Variants in NEMP2 observed in about 807,000 individuals in gnomAD.
NEMP2 encodes nuclear envelope integral membrane protein 2.
NEMP2 carries 53 observed loss-of-function variants against 54.2 expected under a neutral mutation model. The ratio of observed to expected loss-of-function variants is 0.98; its 90% CI spans 0.78 to 1.23. The LOEUF (loss-of-function observed/expected upper bound fraction) is 1.23, where lower values mean the gene tolerates loss of function less well. Ranked by LOEUF, NEMP2 falls within the 50% of genes most tolerant of loss-of-function variation. The pLI is 0.00. For missense variants in NEMP2, 455 were observed against 511.3 expected, an observed-to-expected ratio of 0.89 and a Z score of 1.06; for synonymous variants, 197 against 190.3, an observed-to-expected ratio of 1.04 and a Z score of -0.29.
chr2:190,643,651 C>T, the NEMP2 span, among the ~76,000 whole-genome samples: 1 of 152,212 alleles, frequency 6.6e-6, no homozygotes. Context: ...GTACTCGATA[C>T]ATGTTAGTTA....
chr2:190,510,295 A>ACCATCAT lies in NEMP2; in HGVS notation c.1130+59_1130+65dup. On this transcript the variant is annotated intron_variant, in intron 8 of 8. Coordinates refer to ENST00000409150, the MANE Select transcript of NEMP2 (RefSeq NM_001142645.2). The surrounding 1 kb of genome is among the most constrained non-coding windows in gnomAD (Gnocchi z 5.7). ...TTCTACCCTGAAGTGCCTGTACCAA[A>ACCATCAT]CCATCATATTATTTTTTAAATCATT... 6.5e-7 allele frequency: 1 copy of ACCATCAT among 1,528,528 alleles called. No individual in the cohort carries two copies. Among genetic ancestry groups the ACCATCAT allele is most frequent in the South Asian group, 1.2e-5 (1 of 82,530 alleles). The allele number at this position is 1,528,528 out of a possible 1,614,324, so 94.7% of individuals were successfully genotyped here.
chr2:190,633,417 G>GA, the NEMP2 span, among the ~76,000 whole-genome samples: 1 of 150,902 alleles, frequency 6.6e-6, no homozygotes, highest in Non-Finnish European at 1.5e-5. Flanking sequence ...GGGTTCAAGT[G>GA]ATTCTCTCGC....
At chr2:190,446,219 G>A in the NEMP2 span, among the ~76,000 whole-genome samples, 2 of 152,256 alleles carry the variant, frequency 1.3e-5, no homozygotes, top group South Asian at 4.1e-4. Flanking sequence ...CTTTATCTGA[G>A]TTTTAATAAT....
the NEMP2 span, among the ~76,000 whole-genome samples, chr2:190,597,797 A>C: frequency 6.6e-6 from 1 of 152,034 alleles, no homozygotes; most frequent in East Asian, 1.9e-4. This position sits in a 1 kb window ranked among gnomAD's most constrained non-coding sequence, Gnocchi z 4.7. Context: ...TAAAAAAAAA[A>C]CAACTCTGAG....
the NEMP2 span, among the ~76,000 whole-genome samples, chr2:190,554,225 C>T: frequency 6.6e-6 from 1 of 152,144 alleles, no homozygotes. This position sits in a 1 kb window ranked among gnomAD's most constrained non-coding sequence, Gnocchi z 5.7. Flanking sequence ...CAAAACTGGG[C>T]AGCTGTTTGG....
the NEMP2 span, chr2:190,436,563 C>T: frequency 4.3e-6 from 7 of 1,614,214 alleles, no homozygotes; most frequent in South Asian, 6.6e-5. The surrounding 1 kb of genome is among the most constrained non-coding windows in gnomAD (Gnocchi z 5.3). Context: ...AGTTAACTAT[C>T]CTGCCAACAA....
chr2:190,605,460 C>T, the NEMP2 span, among the ~76,000 whole-genome samples: 3 of 151,994 alleles, frequency 2.0e-5, no homozygotes, highest in Non-Finnish European at 4.4e-5. Flanking sequence ...CTGCAACCTT[C>T]ACCTCCCAGG....
the NEMP2 span, among the ~76,000 whole-genome samples, chr2:190,595,966 A>G: frequency 6.6e-6 from 1 of 152,230 alleles, no homozygotes; most frequent in Non-Finnish European, 1.5e-5. The surrounding 1 kb of genome is among the most constrained non-coding windows in gnomAD (Gnocchi z 4.0). Flanking sequence ...TTACTGCAGC[A>G]CTGTTCACAA....
chr2:190,536,138 T>G (rs1691370202), upstream of NEMP2, among the ~76,000 whole-genome samples: 1 of 152,220 alleles, frequency 6.6e-6, no homozygotes, highest in South Asian at 2.1e-4. Flanking sequence ...AACACCACAT[T>G]TTTCTCTATA....
At chr2:190,449,722 G>A in the NEMP2 span, among the ~76,000 whole-genome samples, 1 of 152,092 alleles carries the variant, frequency 6.6e-6, no homozygotes, top group Non-Finnish European at 1.5e-5. Context: ...TAGGGACATG[G>A]ATGAAATTGG....
At chr2:190,542,170 C>T in the NEMP2 span, among the ~76,000 whole-genome samples, 1 of 152,186 alleles carries the variant, frequency 6.6e-6, no homozygotes, top group Non-Finnish European at 1.5e-5. The surrounding 1 kb of genome is among the most constrained non-coding windows in gnomAD (Gnocchi z 4.6). Context: ...CTTTCTACCT[C>T]TTGCTCTTGC....
the NEMP2 span, among the ~76,000 whole-genome samples, chr2:190,598,958 GT>G: frequency 6.6e-6 from 1 of 152,114 alleles, no homozygotes; most frequent in Non-Finnish European, 1.5e-5. Context: ...TGCAAATGGT[GT>G]TTTGTTTTGT....
the NEMP2 span, among the ~76,000 whole-genome samples, chr2:190,422,788 T>C: frequency 5.7e-3 from 869 of 152,264 alleles, 12 homozygotes; most frequent in African/African-American, 0.02. Flanking sequence ...TTTCTTCCCT[T>C]AATTTTTTTC....
intron 1 of NEMP2, among the ~76,000 whole-genome samples, chr2:190,526,605 G>A (rs925183457): frequency 1.3e-5 from 2 of 152,154 alleles, no homozygotes; most frequent in African/African-American, 4.8e-5. Flanking sequence ...TAAATCAGCA[G>A]GCTTTACAGA....
At chr2:190,604,355 T>C in the NEMP2 span, among the ~76,000 whole-genome samples, 16 of 152,196 alleles carry the variant, frequency 1.1e-4, no homozygotes, top group Admixed American at 1.0e-3. This position sits in a 1 kb window ranked among gnomAD's most constrained non-coding sequence, Gnocchi z 4.5. Context: ...TTAGGGATAG[T>C]AACAGCACCT....
chr2:190,514,574 G>A lies in NEMP2; in HGVS notation c.832C>T (p.Leu278Phe), dbSNP rs1169218511. Reference protein sequence around the residue: ...RSLLMWMLRLLSLVLVYAGVA... With the variant: ...RSLLMWMLRLFSLVLVYAGVA... ...CCAGCATAGACCAGAACCAGGGAGA[G>A]GAGTCGCAGCATCCACATCAGAAGA... is the stretch of plus-strand genomic sequence containing the variant. Residue 278 changes from leucine to phenylalanine, a missense_variant, in exon 7 of 9, where the codon CTC (leucine) becomes TTC (phenylalanine). This residue lies in a region of NEMP2 where 294 missense variants were observed against 333.6 expected (regional missense o/e 0.88). Coordinates refer to ENST00000409150, the MANE Select transcript of NEMP2 (RefSeq NM_001142645.2). This position sits in a 1 kb window ranked among gnomAD's most constrained non-coding sequence, Gnocchi z 5.7. 6.4e-7 allele frequency: 1 copy of A among 1,551,750 alleles called. No homozygotes were observed.
At chr2:190,616,530 T>C in the NEMP2 span, among the ~76,000 whole-genome samples, 1 of 152,198 alleles carries the variant, frequency 6.6e-6, no homozygotes, top group Non-Finnish European at 1.5e-5. The surrounding 1 kb of genome is among the most constrained non-coding windows in gnomAD (Gnocchi z 5.1). Flanking sequence ...AACTCTGACA[T>C]AACAAATAAT....
At chr2:190,624,127 T>TG in the NEMP2 span, among the ~76,000 whole-genome samples, 16 of 151,092 alleles carry the variant, frequency 1.1e-4, no homozygotes, top group Admixed American at 1.3e-4. Flanking sequence ...CAAAAAGGAG[T>TG]TGGGGGGCAA....
chr2:190,497,433 C>T, the NEMP2 span: 3 of 1,611,756 alleles, frequency 1.9e-6, no homozygotes, highest in Admixed American at 1.7e-5. The surrounding 1 kb of genome is among the most constrained non-coding windows in gnomAD (Gnocchi z 5.2). Context: ...ATTCTTTTCT[C>T]TCCAGACAAG....
Sources: gnomAD v4.1 joint callset for allele counts (sites outside exome capture counted in the v4.1 genomes callset) on GRCh38, gnomAD v4.1.1 for gene constraint, gnomAD v4.1.1 regional missense constraint, Gnocchi (gnomAD v3.1) non-coding constraint, MANE v1.5 for transcripts, NCBI Gene and HGNC (gene_info 2026-07-23, HGNC 2026-07-21) for gene names.